Variants in SLC35F4 observed in about 807,000 individuals in gnomAD.
SLC35F4 encodes chromosome 14 open reading frame 36.
A neutral mutation model predicts 44.2 loss-of-function variants in SLC35F4; 24 were observed. The observed-to-expected ratio is 0.54, with a 90% CI of 0.39 to 0.76. SLC35F4 has a LOEUF of 0.76. SLC35F4 is among the 30% of genes least tolerant of loss of function. The pLI is 0.00. For synonymous variants in SLC35F4, 238 were observed against 223.6 expected, an observed-to-expected ratio of 1.06 and a Z score of -0.57; for missense variants, 562 against 586.1, an observed-to-expected ratio of 0.96 and a Z score of 0.42.
At chr14:57,616,407 C>T (rs2071830615) in intron 1 of SLC35F4, among the ~76,000 whole-genome samples, 1 of 152,118 alleles carries the variant, frequency 6.6e-6, no homozygotes, top group East Asian at 1.9e-4. Flanking sequence ...ATTAACTGCC[C>T]CCTTGGGTTA....
chr14:57,907,321 A>G (rs768153843), intron 1 of SLC35F4, among the ~76,000 whole-genome samples: 1 of 152,182 alleles, frequency 6.6e-6, no homozygotes, highest in African/African-American at 2.4e-5. Context: ...GAAAAACAAA[A>G]TCTGTGTGGC....
intron 1 of SLC35F4, among the ~76,000 whole-genome samples, chr14:57,758,864 T>G (rs1000301961): frequency 1.3e-5 from 2 of 152,194 alleles, no homozygotes; most frequent in African/African-American, 4.8e-5. Flanking sequence ...ACTGACAGTT[T>G]ATAATCATTG....
chr14:57,826,485 AT>A (rs1883782639), intron 1 of SLC35F4, among the ~76,000 whole-genome samples: 2 of 152,214 alleles, frequency 1.3e-5, no homozygotes, highest in Non-Finnish European at 2.9e-5. Flanking sequence ...GCCAAAAGCA[AT>A]TGCAACAAAA....
chr14:57,973,462 T>G (rs1026205858), downstream of SLC35F4, among the ~76,000 whole-genome samples: 3 of 152,146 alleles, frequency 2.0e-5, no homozygotes, highest in Non-Finnish European at 4.4e-5. Context: ...AATAGCAATT[T>G]TCTAGGGAAA....
chr14:57,965,109 A>T (rs998490699), intron 1 of SLC35F4, among the ~76,000 whole-genome samples: 1 of 151,968 alleles, frequency 6.6e-6, no homozygotes, highest in Admixed American at 6.6e-5. Flanking sequence ...AGTGGATTAA[A>T]CCAACACAAA....
At chr14:57,882,470 T>C (rs957309273) in intron 1 of SLC35F4, among the ~76,000 whole-genome samples, 2 of 152,170 alleles carry the variant, frequency 1.3e-5, no homozygotes, top group Non-Finnish European at 2.9e-5. Context: ...GGTTTTTCTT[T>C]TACTTCACTG....
intron 1 of SLC35F4, among the ~76,000 whole-genome samples, chr14:57,695,522 C>G (rs1366720822): frequency 5.3e-5 from 8 of 151,246 alleles, no homozygotes; most frequent in African/African-American, 1.9e-4. Flanking sequence ...CAGGAAACAA[C>G]AGGTGCTGGA....
intron 1 of SLC35F4, among the ~76,000 whole-genome samples, chr14:57,669,668 C>G (rs1719464622): frequency 6.6e-6 from 1 of 151,998 alleles, no homozygotes; most frequent in Non-Finnish European, 1.5e-5. Context: ...GCCTTGCATC[C>G]CAGGGATGAA....
At chr14:57,772,208 C>A (rs1253556036) in intron 1 of SLC35F4, among the ~76,000 whole-genome samples, 1 of 152,182 alleles carries the variant, frequency 6.6e-6, no homozygotes, top group African/African-American at 2.4e-5. Flanking sequence ...AGAAATTTTG[C>A]TCAAATTTTC....
At position 57,905,880 on chromosome 14, in the gene SLC35F4, G is replaced by A. The variant is rs554662032; in HGVS notation, n.282+76033C>T. On this transcript the variant is annotated intron_variant and non_coding_transcript_variant, in intron 1 of 1. Transcript: ENST00000556568. ...ATGAAAATGGAAGAACAGGGGAAAG[G>A]GTATGGGCAGAAGGGAAAGCAAGTT... Among the ~76,000 whole-genome samples the A allele has an allele frequency of 2.6e-5, 4 of 152,230 alleles. No homozygotes were observed. The South Asian group carries it at 8.3e-4, about 32-fold the overall frequency.
At chr14:57,700,115 A>T (rs914299998) in intron 1 of SLC35F4, among the ~76,000 whole-genome samples, 5 of 152,144 alleles carry the variant, frequency 3.3e-5, no homozygotes, top group Non-Finnish European at 5.9e-5. Context: ...TGATTTTGTC[A>T]TTGTGTCAAC....
chr14:57,685,101 A>G (rs2075029674), intron 1 of SLC35F4, among the ~76,000 whole-genome samples: 1 of 152,152 alleles, frequency 6.6e-6, no homozygotes, highest in South Asian at 2.1e-4. Flanking sequence ...TATATTTTTT[A>G]TCAATGCCAG....
intron 1 of SLC35F4, among the ~76,000 whole-genome samples, chr14:57,671,032 G>A (rs1263752311): frequency 6.6e-6 from 1 of 151,164 alleles, no homozygotes; most frequent in African/African-American, 2.4e-5. Flanking sequence ...AGCCTCCTGA[G>A]TAGCTGGGAC....
intron 1 of SLC35F4, among the ~76,000 whole-genome samples, chr14:57,725,473 G>T (rs936981995): frequency 3.3e-5 from 5 of 152,330 alleles, no homozygotes; most frequent in Admixed American, 3.3e-4. Context: ...ATACGGGTTT[G>T]CCTATCCTGC....
At chr14:57,651,729 T>A (rs1163922179) in intron 1 of SLC35F4, among the ~76,000 whole-genome samples, 1 of 152,148 alleles carries the variant, frequency 6.6e-6, no homozygotes, top group Non-Finnish European at 1.5e-5. Flanking sequence ...TGTGTGTGTG[T>A]GAGCTGAGAG....
chr14:57,781,425 T>G (rs2140745730), intron 1 of SLC35F4, among the ~76,000 whole-genome samples: 1 of 152,218 alleles, frequency 6.6e-6, no homozygotes, highest in Middle Eastern at 3.4e-3. Flanking sequence ...CAGATACTGG[T>G]GAGGTTGCAG....
At chr14:57,647,751 C>T (rs982460373) in intron 1 of SLC35F4, among the ~76,000 whole-genome samples, 2 of 152,154 alleles carry the variant, frequency 1.3e-5, no homozygotes, top group African/African-American at 4.8e-5. Flanking sequence ...CCTGCTAAGT[C>T]ACTTTAACCA....
chr14:57,903,190 G>A (rs1463718034), intron 1 of SLC35F4, among the ~76,000 whole-genome samples: 2 of 152,116 alleles, frequency 1.3e-5, no homozygotes, highest in African/African-American at 4.8e-5. Context: ...GTAGGGAAGA[G>A]AGATCAGGTT....
At chr14:57,643,703 G>C (rs1320724836) in intron 1 of SLC35F4, among the ~76,000 whole-genome samples, 1 of 152,026 alleles carries the variant, frequency 6.6e-6, no homozygotes, top group Non-Finnish European at 1.5e-5. Context: ...TGCCATGCTG[G>C]TGTGCTGCAC....
Sources: allele counts gnomAD v4.1 joint callset (sites outside exome capture counted in the v4.1 genomes callset), GRCh38; gene constraint gnomAD v4.1.1; transcripts MANE v1.5; gene names NCBI Gene and HGNC (gene_info 2026-07-23, HGNC 2026-07-21).